NUP214: variants seen among roughly 807,000 people sequenced by gnomAD.
NUP214 encodes nucleoporin 214.
In NUP214, 79 loss-of-function variants were observed where a neutral mutation model predicts 196.2. The observed-to-expected ratio is 0.40, with a 90% CI of 0.34 to 0.49. NUP214 has a LOEUF of 0.49. NUP214 is among the 20% of genes least tolerant of loss of function. The probability of loss-of-function intolerance (pLI) is 0.58; values close to 1 mark genes in which losing one functional copy is unlikely to be tolerated. For synonymous variants in NUP214, 1,020 were observed against 990.5 expected, an observed-to-expected ratio of 1.03 and a Z score of -0.56; for missense variants, 2,468 against 2,539.0, an observed-to-expected ratio of 0.97 and a Z score of 0.60.
At chr9:131,175,825 G>A in intron 23 of NUP214, 1 of 666,776 alleles carries the variant, frequency 1.5e-6, no homozygotes, top group Non-Finnish European at 2.2e-6. Flanking sequence ...TAAGGGGAGG[G>A]ATTAGAACTG....
At chr9:131,141,544 C>G (rs1276941828) in intron 11 of NUP214, 1 of 136,378 alleles carries the variant, frequency 7.3e-6, no homozygotes, top group African/African-American at 2.8e-5. Flanking sequence ...AGTGCAGTGG[C>G]ATGACCACAG....
rs538619432 is a variant in NUP214 at position 131,225,910 on chromosome 9, G to A, written c.5903-2250G>A. On this transcript the variant is annotated intron_variant, in intron 32 of 35. Coordinates refer to ENST00000359428, the MANE Select transcript of NUP214 (RefSeq NM_005085.4). ...TGGAGGTCATCCGGGGAGAGGACAG[G>A]AGGAAGGTGGGATGGACTGAAGATG... 2.6e-5 allele frequency among the ~76,000 whole-genome samples: 4 copies of A among 152,340 alleles called. No homozygotes were observed. The East Asian group carries it at 7.7e-4, about 29-fold the overall frequency.
intron 30 of NUP214, among the ~76,000 whole-genome samples, chr9:131,208,767 C>G (rs983962956): frequency 1.3e-5 from 2 of 151,790 alleles, no homozygotes; most frequent in Non-Finnish European, 1.5e-5. Flanking sequence ...CCTTTAATCC[C>G]AGCACTTTGG....
chr9:131,184,117 G>A (rs904773616), intron 24 of NUP214, among the ~76,000 whole-genome samples: 8 of 129,918 alleles, frequency 6.2e-5, no homozygotes, highest in East Asian at 2.5e-4. Context: ...TCCAACCTCC[G>A]CCTCTCAGGT....
At chr9:131,127,398 A>G (rs1431977076) in intron 1 of NUP214, 126 bp from the exon 2 acceptor site, 1 of 724,554 alleles carries the variant, frequency 1.4e-6, no homozygotes, top group Non-Finnish European at 2.3e-6. Flanking sequence ...AGAAAAAAAG[A>G]CAATTGAGAC....
rs528332686 is a variant in NUP214 at position 131,130,981 on chromosome 9, C to T, written c.663+145C>T. The T allele has an allele frequency of 2.8e-4, 180 of 647,736 alleles. 3 individuals are homozygous for T. The South Asian group carries it at 3.4e-3, about 12-fold the overall frequency. The allele number at this position is 647,736 out of a possible 1,614,324, so 40.1% of individuals were successfully genotyped here. A position where few individuals can be genotyped will look rare whatever the true frequency, so the allele number is the denominator to read the frequency against. On this transcript the variant is annotated intron_variant, in intron 5 of 35. Coordinates refer to ENST00000359428, the MANE Select transcript of NUP214 (RefSeq NM_005085.4). ...CCATCAGTGAATGAAGAGTGGAACT[C>T]TTCCCTTTCCCATAGTCCTTCTTCC...
At chr9:131,178,960 G>A (rs1477863619) in intron 24 of NUP214, among the ~76,000 whole-genome samples, 2 of 151,838 alleles carry the variant, frequency 1.3e-5, no homozygotes, top group Admixed American at 1.3e-4. Flanking sequence ...TTTTGGTGGT[G>A]GTGGTGGTTT....
intron 17 of NUP214, among the ~76,000 whole-genome samples, chr9:131,157,367 C>T (rs1588137513): frequency 2.0e-5 from 3 of 151,650 alleles, no homozygotes; most frequent in East Asian, 1.9e-4. Flanking sequence ...TGCTGTGTTG[C>T]CCAAGCAGGT....
chr9:131,205,834 C>T (rs1172768888), intron 30 of NUP214, among the ~76,000 whole-genome samples: 4 of 152,046 alleles, frequency 2.6e-5, no homozygotes, highest in Non-Finnish European at 5.9e-5. Flanking sequence ...AGGTGCCCAC[C>T]ACCACGCCCA....
In NUP214 at chr9:131,234,132, G is replaced by A. The variant is rs1158716805; in HGVS notation, c.*645G>A. ...GGCAGGACAGTGCTGCGCCTTAGCC[G>A]GCCTTGGCTCTCATCTCCATGTGGC... On this transcript the variant is annotated 3_prime_UTR_variant, in exon 36 of 36. Coordinates refer to ENST00000359428, the MANE Select transcript of NUP214 (RefSeq NM_005085.4). 1.3e-5 allele frequency: 3 copies of A among 233,392 alleles called. No individual in the cohort carries two copies. Among genetic ancestry groups the A allele is most frequent in the South Asian group, 3.6e-4 (2 of 5,548 alleles). The allele number at this position is 233,392 out of a possible 1,614,324, so 14.5% of individuals were successfully genotyped here.
chr9:131,222,192 GACAGGAGC>G (rs1436582130), intron 31 of NUP214, among the ~76,000 whole-genome samples: 1 of 152,156 alleles, frequency 6.6e-6, no homozygotes, highest in African/African-American at 2.4e-5. Context: ...TTGGATCAAA[GACAGGAGC>G]ACCATGATTT....
intron 8 of NUP214, among the ~76,000 whole-genome samples, chr9:131,135,640 C>G (rs1369275235): frequency 6.6e-6 from 1 of 152,246 alleles, no homozygotes; most frequent in African/African-American, 2.4e-5. Context: ...TTCCATCCCT[C>G]TAGCTACATT....
chr9:131,160,351 A>G (rs931650086), intron 18 of NUP214, among the ~76,000 whole-genome samples: 1 of 152,244 alleles, frequency 6.6e-6, no homozygotes, highest in Non-Finnish European at 1.5e-5. Flanking sequence ...ACTCTTCTGT[A>G]TATTTCAAAT....
intron 17 of NUP214, among the ~76,000 whole-genome samples, chr9:131,153,701 A>G (rs1588135313): frequency 6.6e-6 from 1 of 152,250 alleles, no homozygotes. Context: ...TGGACAATGC[A>G]CAGATGATGA....
rs1834955809 is a variant in NUP214 at position 131,234,275 on chromosome 9, CCA to C, written c.*791_*792del. ...GCCACACCTACCCAGTGTCTACTAA[CCA>C]CAGTGCAGATAGCCCTTGGGTAGAC... On this transcript the variant is annotated 3_prime_UTR_variant, in exon 36 of 36. Coordinates refer to ENST00000359428, the MANE Select transcript of NUP214 (RefSeq NM_005085.4). 2 of 232,668 alleles carry C rather than the reference CCA, an allele frequency of 8.6e-6. No homozygotes were observed. Among genetic ancestry groups the C allele is most frequent in the Non-Finnish European group, 1.7e-5 (2 of 117,750 alleles). 14.4% of individuals were successfully genotyped at this position (232,668 alleles called of 1,614,324 possible). A position where few individuals can be genotyped will look rare whatever the true frequency, so the allele number is the denominator to read the frequency against.
At chr9:131,153,800 G>C (rs573358482) in intron 17 of NUP214, among the ~76,000 whole-genome samples, 5 of 152,092 alleles carry the variant, frequency 3.3e-5, no homozygotes, top group African/African-American at 1.2e-4. Context: ...GCCTGTGCTC[G>C]TACTCAAGAG....
At chr9:131,174,440 TTTTTTTC>T (rs1833048196) in intron 22 of NUP214, 122 bp downstream of exon 22, 142 of 538,338 alleles carry the variant, frequency 2.6e-4, no homozygotes, top group East Asian at 3.4e-4. Flanking sequence ...CACTTTTTTT[TTTTTTTC>T]TTTTTTTCTT....
intron 24 of NUP214, among the ~76,000 whole-genome samples, chr9:131,183,337 G>A (rs1251856826): frequency 6.6e-6 from 1 of 152,152 alleles, no homozygotes; most frequent in African/African-American, 2.4e-5. Context: ...CGCCTGCCTC[G>A]GCCTCCCAAA....
intron 31 of NUP214, 85 bp downstream of exon 31, chr9:131,215,453 TATAAAA>T (rs780036205): frequency 2.3e-5 from 30 of 1,299,476 alleles, no homozygotes; most frequent in Admixed American, 2.9e-5. Flanking sequence ...CAGTGACAAA[TATAAAA>T]AGAAAAAAAA....
Sources: allele counts gnomAD v4.1 joint callset (sites outside exome capture counted in the v4.1 genomes callset), GRCh38; gene constraint gnomAD v4.1.1; transcripts MANE v1.5; gene names NCBI Gene and HGNC (gene_info 2026-07-23, HGNC 2026-07-21).